The following KCNU1 variants were observed in gnomAD, a reference collection of about 807,000 sequenced individuals.
KCNU1 encodes potassium channel subfamily U member 1.
KCNU1 carries 93 observed loss-of-function variants against 126.8 expected under a neutral mutation model. The ratio of observed to expected loss-of-function variants is 0.73; its 90% CI spans 0.62 to 0.87. The LOEUF (loss-of-function observed/expected upper bound fraction) is 0.87. KCNU1 is among the 40% of genes least tolerant of loss of function. KCNU1 has a pLI of 0.00. For synonymous variants in KCNU1, 523 were observed against 494.2 expected, an observed-to-expected ratio of 1.06 and a Z score of -0.77; for missense variants, 1,330 against 1,367.1, an observed-to-expected ratio of 0.97 and a Z score of 0.43.
At chr8:36,871,530 C>T (rs759024572) in intron 19 of KCNU1, among the ~76,000 whole-genome samples, 1 of 152,034 alleles carries the variant, frequency 6.6e-6, no homozygotes, top group African/African-American at 2.4e-5. Flanking sequence ...TAGCTTCAGG[C>T]TTCTTAAAAG....
intron 19 of KCNU1, among the ~76,000 whole-genome samples, chr8:36,894,179 T>C (rs1009745832): frequency 6.6e-6 from 1 of 152,142 alleles, no homozygotes; most frequent in African/African-American, 2.4e-5. Context: ...TGGTTTGCCA[T>C]ACAAAAGCAT....
chr8:36,811,761 A>G (rs890039046), intron 7 of KCNU1, among the ~76,000 whole-genome samples: 11 of 151,848 alleles, frequency 7.2e-5, no homozygotes, highest in Admixed American at 6.6e-4. Flanking sequence ...GCGAAACCTC[A>G]TCTCTACTAA....
At chr8:36,934,835 T>A (rs1001452913) in intron 26 of KCNU1, among the ~76,000 whole-genome samples, 1 of 152,140 alleles carries the variant, frequency 6.6e-6, no homozygotes, top group African/African-American at 2.4e-5. Flanking sequence ...TCAACTCACA[T>A]TTTTGGGCAT....
At position 36,845,893 on chromosome 8, in the gene KCNU1, A is replaced by G. The variant is rs1805127330; in HGVS notation, c.1885A>G (p.Ile629Val). 2.5e-6 allele frequency: 4 copies of G among 1,581,458 alleles called. No homozygotes were observed. The highest frequency in any genetic ancestry group is 3.5e-6 in the Non-Finnish European group (4 of 1,157,794). ...CGCKSRSRQH[I>V]TVPSVKRMKK... The stretch of plus-strand genomic sequence containing the variant: ...CTGCAAAAGCAGAAGCCGGCAGCAC[A>G]TCACAGGTAATTGCACTTTATTTCT... Residue 629 changes from isoleucine to valine, a missense_variant, in exon 18 of 27, where the codon ATC (isoleucine) becomes GTC (valine). Ile to Val is a conservative substitution (Grantham distance 29, BLOSUM62 3). This residue lies in a region of KCNU1 where 1,054 missense variants were observed against 1,053.9 expected (regional missense o/e 1.00). Transcript: ENST00000399881.
At chr8:36,911,151 A>G in intron 22 of KCNU1, 32 bp downstream of exon 22, 2 of 1,520,106 alleles carry the variant, frequency 1.3e-6, no homozygotes, top group South Asian at 1.2e-5. Flanking sequence ...AGAAGAAACT[A>G]GGACGTATGG....
intron 11 of KCNU1, among the ~76,000 whole-genome samples, chr8:36,834,205 G>A (rs1008909558): frequency 2.6e-5 from 4 of 152,082 alleles, no homozygotes; most frequent in African/African-American, 4.8e-5. Context: ...TCTCAGTCTC[G>A]GAGAATCAAC....
At chr8:36,862,507 G>C (rs1805768506) in intron 18 of KCNU1, among the ~76,000 whole-genome samples, 1 of 152,122 alleles carries the variant, frequency 6.6e-6, no homozygotes, top group Admixed American at 6.6e-5. Context: ...TGACCTTCAG[G>C]TGGTCAACAC....
At chr8:36,896,755 T>C (rs1411330293) in intron 19 of KCNU1, among the ~76,000 whole-genome samples, 1 of 152,016 alleles carries the variant, frequency 6.6e-6, no homozygotes, top group Admixed American at 6.6e-5. Flanking sequence ...TTAGACATGA[T>C]TGGGAATCTA....
chr8:36,933,083 C>T (rs1163081156), intron 26 of KCNU1, 51 bp downstream of exon 26: 1 of 1,106,046 alleles, frequency 9.0e-7, no homozygotes, highest in African/African-American at 1.6e-5. Context: ...GCATAAGAAC[C>T]AAAGCTACTT....
intron 14 of KCNU1, among the ~76,000 whole-genome samples, 170 bp downstream of exon 14, chr8:36,837,115 C>G (rs1804780222): frequency 6.6e-6 from 1 of 152,022 alleles, no homozygotes; most frequent in Non-Finnish European, 1.5e-5. Flanking sequence ...GTCCCAGGTA[C>G]CACACTGACC....
chr8:36,901,428 C>T (rs56825414), intron 19 of KCNU1, among the ~76,000 whole-genome samples: 19,089 of 152,070 alleles, frequency 0.13, 1,606 homozygotes, highest in Middle Eastern at 0.32. Flanking sequence ...TCAGAATGGT[C>T]GCAGAAAACA....
At chr8:36,788,944 A>T (rs1802806507) in intron 2 of KCNU1, among the ~76,000 whole-genome samples, 1 of 152,230 alleles carries the variant, frequency 6.6e-6, no homozygotes, top group African/African-American at 2.4e-5. Flanking sequence ...AATGATGAAA[A>T]ATTACATACC....
chr8:36,790,498 A>G (rs897537604), intron 2 of KCNU1, among the ~76,000 whole-genome samples: 52 of 152,210 alleles, frequency 3.4e-4, no homozygotes, highest in African/African-American at 1.2e-3. Flanking sequence ...AGGAAAAAGT[A>G]CAACTATATG....
In KCNU1 at chr8:36,935,500, T is replaced by C; in HGVS notation, c.3045-15T>C. 5 of 1,564,600 alleles carry C rather than the reference T, an allele frequency of 3.2e-6. No homozygotes were observed. The East Asian group carries it at 6.8e-5, about 21-fold the overall frequency. ...GCTGCAGAACCTCAGCATTTATCTT[T>C]GACTTGTCTTACAGGTTTGTGATCA... On this transcript the variant is annotated splice_polypyrimidine_tract_variant and intron_variant, in intron 26 of 26. Coordinates refer to ENST00000399881, the MANE Select transcript of KCNU1 (RefSeq NM_001031836.3).
chr8:36,808,606 G>T (rs1054463452), intron 6 of KCNU1, 112 bp from the exon 7 acceptor site: 4 of 685,252 alleles, frequency 5.8e-6, no homozygotes, highest in African/African-American at 1.8e-5. Context: ...GGGTAATGCC[G>T]TTCCTTCTGG....
intron 21 of KCNU1, 99 bp from the exon 22 acceptor site, chr8:36,910,831 G>A: frequency 1.3e-6 from 1 of 791,474 alleles, no homozygotes; most frequent in Non-Finnish European, 2.0e-6. Flanking sequence ...GGAGCTCAAA[G>A]CTCAAAAATT....
In KCNU1 at chr8:36,784,565, T is replaced by C. The variant is rs772217416; in HGVS notation, c.155T>C (p.Val52Ala). Residue 52 changes from valine to alanine, a missense_variant, in exon 1 of 27, where the codon GTT becomes GCT. Physicochemically the swap from Val to Ala is moderately conservative, Grantham distance 64. Coordinates refer to ENST00000399881, the MANE Select transcript of KCNU1 (RefSeq NM_001031836.3). Reference sequence around the variant, plus strand: ...ATCTTCAGGCTGATCTGGAGATCTGTTAAAAAATGGCAAATCATCAAGGGA... The same window carrying C: ...ATCTTCAGGCTGATCTGGAGATCTGCTAAAAAATGGCAAATCATCAAGGGA... ...LLIFRLIWRS[V>A]KKWQIIKGTG... is the part of the protein sequence containing the mutation. 1.5e-5 allele frequency: 24 copies of C among 1,613,638 alleles called. No individual in the cohort carries two copies. The highest frequency in any genetic ancestry group is 2.0e-5 in the Non-Finnish European group (24 of 1,179,740).
intron 19 of KCNU1, among the ~76,000 whole-genome samples, chr8:36,893,885 T>G (rs13265746): frequency 0.34 from 52,238 of 151,956 alleles, 9,659 homozygotes; most frequent in Admixed American, 0.42. Context: ...TTACTTTTTA[T>G]AGTTATTTTT....
intron 26 of KCNU1, among the ~76,000 whole-genome samples, chr8:36,933,234 G>A (rs969635579): frequency 6.6e-6 from 1 of 152,050 alleles, no homozygotes; most frequent in African/African-American, 2.4e-5. Flanking sequence ...TATTAATATT[G>A]GCTATATAAG....
Sources: allele counts gnomAD v4.1 joint callset (sites outside exome capture counted in the v4.1 genomes callset), GRCh38; gene constraint gnomAD v4.1.1; regional missense constraint gnomAD v4.1.1; transcripts MANE v1.5; gene names NCBI Gene and HGNC (gene_info 2026-07-23, HGNC 2026-07-21).